ROR2: variants seen among roughly 807,000 people sequenced by gnomAD.
ROR2 encodes tyrosine-protein kinase transmembrane receptor ROR2.
ROR2 carries 33 observed loss-of-function variants against 74.9 expected under a neutral mutation model. That is an observed-to-expected ratio of 0.44 (90% CI 0.33 to 0.59). ROR2 has a LOEUF of 0.59. Ranked by LOEUF, ROR2 falls within the 20% of genes least tolerant of loss-of-function variation. The pLI, the probability that ROR2 is intolerant of heterozygous loss-of-function variation, is 0.02. For missense variants in ROR2, 1,216 were observed against 1,313.8 expected (o/e 0.93, Z 1.15); for synonymous variants, 586 against 558.7 (o/e 1.05, Z -0.69).
At chr9:91,771,760 G>C (rs1826236499) in intron 2 of ROR2, among the ~76,000 whole-genome samples, 1 of 150,986 alleles carries the variant, frequency 6.6e-6, no homozygotes, top group African/African-American at 2.4e-5. Context: ...CCAAATATAA[G>C]CTTCATGCCA....
At chr9:91,761,829 A>G (rs1380103322) in intron 2 of ROR2, among the ~76,000 whole-genome samples, 1 of 152,168 alleles carries the variant, frequency 6.6e-6, no homozygotes, top group African/African-American at 2.4e-5. Context: ...CATCCAGACA[A>G]TAAGACACTA....
intron 1 of ROR2, chr9:91,948,782 C>A: frequency 3.0e-6 from 3 of 985,460 alleles, no homozygotes; most frequent in Non-Finnish European, 3.6e-6. Context: ...TCACACATTC[C>A]GGGGGCTTCA....
chr9:91,826,192 G>C (rs1171334020), intron 1 of ROR2, among the ~76,000 whole-genome samples: 1 of 152,144 alleles, frequency 6.6e-6, no homozygotes, highest in Non-Finnish European at 1.5e-5. Flanking sequence ...CTACAGAATG[G>C]GGGAAATGAG....
chr9:91,760,656 A>T (rs1825888701), intron 2 of ROR2, among the ~76,000 whole-genome samples: 1 of 152,054 alleles, frequency 6.6e-6, no homozygotes, highest in Admixed American at 6.5e-5. Context: ...AAAGAAAAGA[A>T]AAACAACTGT....
At chr9:91,785,048 A>G (rs897609498) in intron 1 of ROR2, among the ~76,000 whole-genome samples, 1 of 152,136 alleles carries the variant, frequency 6.6e-6, no homozygotes, top group Non-Finnish European at 1.5e-5. Flanking sequence ...AGGAAAAGCT[A>G]GCTCCCTTCA....
At chr9:91,891,658 G>C (rs945624713) in intron 1 of ROR2, among the ~76,000 whole-genome samples, 5 of 152,200 alleles carry the variant, frequency 3.3e-5, no homozygotes, top group African/African-American at 7.2e-5. Flanking sequence ...TTTGGTTGCA[G>C]GACTGCATCC....
chr9:91,941,763 C>T (rs1831877331), intron 1 of ROR2, among the ~76,000 whole-genome samples: 1 of 151,068 alleles, frequency 6.6e-6, no homozygotes, highest in South Asian at 2.1e-4. Flanking sequence ...CCCGCCCAGC[C>T]CCGCCCTGCC....
At chr9:91,829,549 CAAAAA>C (rs34687056) in intron 1 of ROR2, among the ~76,000 whole-genome samples, 421 of 40,514 alleles carry the variant, frequency 0.01, 14 homozygotes, top group African/African-American at 0.037. Context: ...GACTCCGTCT[CAAAAA>C]AAAAAAAAAA....
At position 91,728,971 on chromosome 9, in the gene ROR2, T is replaced by TG. The variant is rs1164156790; in HGVS notation, c.1183+1938_1183+1939insC. On this transcript the variant is annotated intron_variant, in intron 7 of 8. Coordinates refer to ENST00000375708, the MANE Select transcript of ROR2 (RefSeq NM_004560.4). ...GATTCTGCAATAAATATCCTTCCAT[T>TG]TATGCCCTGTAAGTACAAACCTGCG... is the stretch of plus-strand genomic sequence containing the variant. 1.1e-4 allele frequency among the ~76,000 whole-genome samples: 17 copies of TG among 152,286 alleles called. No homozygotes were observed. The South Asian group carries it at 3.5e-3, about 32-fold the overall frequency.
intron 1 of ROR2, among the ~76,000 whole-genome samples, chr9:91,832,429 C>T (rs1563988147): frequency 1.4e-5 from 2 of 148,080 alleles, no homozygotes; most frequent in South Asian, 4.3e-4. Flanking sequence ...CCAGGGTCCA[C>T]GGTCCAGCCA....
intron 1 of ROR2, among the ~76,000 whole-genome samples, chr9:91,778,455 T>C (rs978329439): frequency 2.6e-5 from 4 of 152,188 alleles, no homozygotes; most frequent in African/African-American, 7.2e-5. Flanking sequence ...TTTCACCTGG[T>C]GCAGGCACCC....
Position 91,722,656 on chromosome 9 carries a change from C to T in ROR2, c.*1006G>A. 1 of 779,346 alleles carries T rather than the reference C, an allele frequency of 1.3e-6. No homozygotes were observed. 48.3% of individuals were successfully genotyped at this position (779,346 alleles called of 1,614,324 possible). A position where few individuals can be genotyped will look rare whatever the true frequency, so the allele number is the denominator to read the frequency against. On this transcript the variant is annotated 3_prime_UTR_variant, in exon 9 of 9. Coordinates refer to ENST00000375708, the MANE Select transcript of ROR2 (RefSeq NM_004560.4). ...GTGTGGGATTTACAAATAGGACCAA[C>T]AATGTGTGCGGGGCACAGACGGCTG...
At chr9:91,840,761 G>C (rs1040383749) in intron 1 of ROR2, among the ~76,000 whole-genome samples, 1 of 152,222 alleles carries the variant, frequency 6.6e-6, no homozygotes, top group South Asian at 2.1e-4. Flanking sequence ...CTCCCAGGCA[G>C]GCCTGGAGCA....
At chr9:91,741,459 G>A (rs1825244777) in intron 4 of ROR2, among the ~76,000 whole-genome samples, 1 of 151,930 alleles carries the variant, frequency 6.6e-6, no homozygotes, top group Non-Finnish European at 1.5e-5. Context: ...AGACTGGCAA[G>A]ATGGTGGGGA....
chr9:91,863,010 A>G (rs1829516592), intron 1 of ROR2, among the ~76,000 whole-genome samples: 1 of 152,254 alleles, frequency 6.6e-6, no homozygotes, highest in Admixed American at 6.5e-5. Context: ...AATCAAAACC[A>G]CAATGAGATA....
intron 1 of ROR2, among the ~76,000 whole-genome samples, chr9:91,841,664 T>C (rs956900125): frequency 6.6e-6 from 1 of 152,140 alleles, no homozygotes; most frequent in African/African-American, 2.4e-5. Context: ...CTGAGCAGCC[T>C]CCCTCGTCCC....
At chr9:91,773,698 G>GCC (rs1826318551) in intron 2 of ROR2, among the ~76,000 whole-genome samples, 1 of 152,122 alleles carries the variant, frequency 6.6e-6, no homozygotes, top group South Asian at 2.1e-4. Context: ...CCTCCACCTT[G>GCC]CCCCAGCCCA....
intron 1 of ROR2, 57 bp downstream of exon 1, chr9:91,949,810 C>A (rs941212026): frequency 2.2e-5 from 25 of 1,136,448 alleles, no homozygotes; most frequent in Non-Finnish European, 3.1e-5. Flanking sequence ...GGCGGAAGGG[C>A]TGGCCAAGCG....
At chr9:91,732,991 G>A (rs1312037294) in intron 6 of ROR2, 131 bp downstream of exon 6, 8 of 920,134 alleles carry the variant, frequency 8.7e-6, no homozygotes, top group South Asian at 1.7e-5. Context: ...TGGGGCCCTC[G>A]GCTGCTAAGG....
Sources: gnomAD v4.1 joint callset for allele counts (sites outside exome capture counted in the v4.1 genomes callset) on GRCh38, gnomAD v4.1.1 for gene constraint, MANE v1.5 for transcripts, NCBI Gene and HGNC (gene_info 2026-07-23, HGNC 2026-07-21) for gene names.